Variants in RIF1 observed in about 807,000 individuals in gnomAD.
RIF1 encodes telomere-associated protein RIF1.
In RIF1, 45 loss-of-function variants were observed where a neutral mutation model predicts 247.1. The observed-to-expected ratio is 0.18, with a 90% confidence interval of 0.14 to 0.23. The LOEUF is 0.23. RIF1 is among the 10% of genes least tolerant of loss of function. RIF1 has a pLI of 1.00. For missense variants in RIF1, 2,967 were observed against 2,862.5 expected (o/e 1.04, Z -0.83); for synonymous variants, 1,087 against 978.8 (o/e 1.11, Z -2.06).
intron 21 of RIF1, among the ~76,000 whole-genome samples, chr2:151,453,316 C>T (rs1431191730): frequency 6.6e-6 from 1 of 152,148 alleles, no homozygotes; most frequent in Non-Finnish European, 1.5e-5. Flanking sequence ...GTGGCTCACG[C>T]CTGTAATACC....
At chr2:151,518,995 A>G in the RIF1 span, 2 of 1,613,576 alleles carry the variant, frequency 1.2e-6, no homozygotes, top group Non-Finnish European at 1.7e-6. Context: ...TATTCAGGAC[A>G]TGATTCATGA....
rs537033983 is a variant in RIF1, at chr2:151,493,480, A to C, written c.*416-1749A>C. Reference sequence around the variant, plus strand: ...CCAAAAGAGCATCTAGGCATCAGACAGCAGAAAACCAGGTCTGAAAATCAT... The same window carrying C: ...CCAAAAGAGCATCTAGGCATCAGACCGCAGAAAACCAGGTCTGAAAATCAT... On this transcript the variant is annotated intron_variant and NMD_transcript_variant, in intron 9 of 13. Coordinates refer to the RIF1 transcript ENST00000454583. 5 of 1,410,626 alleles carry C rather than the reference A, an allele frequency of 3.5e-6. No individual in the cohort carries two copies. In the Admixed American group the frequency reaches 8.5e-5, roughly 24 times the overall value. The allele number at this position is 1,410,626 out of a possible 1,614,324, so 87.4% of individuals were successfully genotyped here.
At chr2:151,420,836 A>C (rs1408458847) in intron 7 of RIF1, among the ~76,000 whole-genome samples, 1 of 152,092 alleles carries the variant, frequency 6.6e-6, no homozygotes, top group African/African-American at 2.4e-5. Context: ...TGCATAAGTT[A>C]GCAAAGGCAC....
At chr2:151,434,741 G>A (rs1690839498) in intron 10 of RIF1, among the ~76,000 whole-genome samples, 1 of 152,028 alleles carries the variant, frequency 6.6e-6, no homozygotes, top group Non-Finnish European at 1.5e-5. Flanking sequence ...CGCCAGCCTG[G>A]TTTTTGAATT....
chr2:151,518,414 G>T, the RIF1 span: 1 of 1,598,614 alleles, frequency 6.3e-7, no homozygotes, highest in Non-Finnish European at 8.6e-7. Flanking sequence ...ACTTCTTCTT[G>T]TACTGGTACT....
chr2:151,521,376 A>G, the RIF1 span, among the ~76,000 whole-genome samples: 1 of 152,210 alleles, frequency 6.6e-6, no homozygotes, highest in South Asian at 2.1e-4. Flanking sequence ...AAATGCTACA[A>G]TGGCTCTTCT....
chr2:151,455,112 A>C lies in RIF1; in HGVS notation c.2562A>C (p.Ile854=), dbSNP rs1186276688. ...CTTTGCCTTCTATGATCCGAAAAAT[A>C]TTTGCAACTTTAACAAGACCTCTGG... ...HISLPSMIRK[I]FATLTRPLAL... The change falls in exon 22 of 36, where the codon ATA becomes ATC. Residue 854 remains isoleucine (I), a synonymous_variant. Coordinates refer to ENST00000444746, the MANE Select transcript of RIF1 (RefSeq NM_018151.5). 3.1e-6 allele frequency: 5 copies of C among 1,613,166 alleles called. No individual in the cohort carries two copies. The highest frequency in any genetic ancestry group is 3.4e-6 in the Non-Finnish European group (4 of 1,179,516).
At chr2:151,436,158 G>A (rs867705560) in intron 11 of RIF1, among the ~76,000 whole-genome samples, 4 of 152,050 alleles carry the variant, frequency 2.6e-5, no homozygotes, top group Middle Eastern at 3.4e-3. Flanking sequence ...CCTGGGAGGC[G>A]GAGGTTGCAG....
In RIF1 at chr2:151,410,471, G is replaced by A. The variant is rs1212290268; in HGVS notation, c.48G>A (p.Leu16=). ...QSPLAPLLET[L]EDPSASHGGQ... is the part of the protein sequence containing the mutation. ...CCCTCGCGCCGCTGTTGGAGACTTT[G>A]GAAGACCCTTCTGCCTCCCATGGAG... Residue 16 remains leucine, a synonymous_variant, in exon 2 of 36, where the codon TTG becomes TTA. Coordinates refer to ENST00000444746, the MANE Select transcript of RIF1 (RefSeq NM_018151.5). 1 of 1,614,116 alleles carries A rather than the reference G, an allele frequency of 6.2e-7. No individual in the cohort carries two copies. Among genetic ancestry groups the A allele is most frequent in the Admixed American group, 1.7e-5 (1 of 60,026 alleles).
At chr2:151,518,016 C>T in the RIF1 span, among the ~76,000 whole-genome samples, 1 of 152,126 alleles carries the variant, frequency 6.6e-6, no homozygotes, top group South Asian at 2.1e-4. Context: ...TGTTCCCTAA[C>T]CTGGGGCACA....
chr2:151,462,594 G>T (rs1696355963), intron 29 of RIF1, 128 bp downstream of exon 29: 2 of 655,552 alleles, frequency 3.1e-6, no homozygotes, highest in Admixed American at 5.9e-5. Context: ...TTTATTGTAT[G>T]ATTTCCTTTT....
the RIF1 span, chr2:151,527,705 G>T: frequency 1.4e-6 from 1 of 693,890 alleles, no homozygotes; most frequent in Non-Finnish European, 2.4e-6. Flanking sequence ...CCTAATGCAA[G>T]AGGAAGCCCC....
chr2:151,434,481 C>G (rs1690782900), intron 10 of RIF1, among the ~76,000 whole-genome samples: 2 of 130,458 alleles, frequency 1.5e-5, no homozygotes, highest in African/African-American at 6.0e-5. Context: ...CGCTCTGTTG[C>G]CCAGGCTAGG....
chr2:151,499,357 G>C, exon 11 of RIF1: 1 of 1,546,222 alleles, frequency 6.5e-7, no homozygotes. Flanking sequence ...ATGGGGATTG[G>C]AATCCCTTTT....
At chr2:151,526,107 TG>T in the RIF1 span, 19 of 1,611,848 alleles carry the variant, frequency 1.2e-5, no homozygotes, top group Non-Finnish European at 1.5e-5. Flanking sequence ...GGCATCTGCC[TG>T]GGGCGTTCTC....
intron 13 of RIF1, among the ~76,000 whole-genome samples, chr2:151,437,746 C>T (rs1211835554): frequency 6.6e-6 from 1 of 152,072 alleles, no homozygotes; most frequent in East Asian, 1.9e-4. Flanking sequence ...CACCTACTGG[C>T]CAGATTGTGC....
chr2:151,440,236 C>T (rs1220585684), intron 15 of RIF1, 109 bp downstream of exon 15: 18 of 670,332 alleles, frequency 2.7e-5, no homozygotes, highest in Middle Eastern at 3.8e-4. Context: ...TTATATCAAG[C>T]ATTCATCAGC....
At chr2:151,524,306 A>G in the RIF1 span, 1 of 1,612,604 alleles carries the variant, frequency 6.2e-7, no homozygotes, top group Non-Finnish European at 8.5e-7. Context: ...ACCCATCTGC[A>G]TTACCTGGCT....
chr2:151,500,593 CTTTT>C (rs11428843), intron 11 of RIF1, among the ~76,000 whole-genome samples: 1 of 118,450 alleles, frequency 8.4e-6, no homozygotes, highest in Non-Finnish European at 1.7e-5. Flanking sequence ...TTCTTTCTTC[CTTTT>C]TTTTTTTTTT....
Sources: gnomAD v4.1 joint callset for allele counts (sites outside exome capture counted in the v4.1 genomes callset) on GRCh38, gnomAD v4.1.1 for gene constraint, MANE v1.5 for transcripts, NCBI Gene and HGNC (gene_info 2026-07-23, HGNC 2026-07-21) for gene names.